Variants in SPIRE2 observed in about 807,000 individuals in gnomAD.
The protein encoded by SPIRE2 is spire type actin nucleation factor 2, also known as protein spire homolog 2.
SPIRE2 carries 76 observed loss-of-function variants against 80.7 expected under a neutral mutation model. That is an observed-to-expected ratio of 0.94 (90% CI 0.78 to 1.14). The LOEUF (loss-of-function observed/expected upper bound fraction) is 1.14, where lower values mean the gene tolerates loss of function less well. Among genes scored for constraint, SPIRE2 ranks in the 50% most tolerant of loss-of-function variants. SPIRE2 has a pLI of 0.00. For synonymous variants in SPIRE2, 535 were observed against 432.6 expected (o/e 1.24, Z -2.94); for missense variants, 1,196 against 1,015.3 (o/e 1.18, Z -2.42).
chr16:89,860,930 G>C (rs1024859422), intron 10 of SPIRE2, 135 bp downstream of exon 10: 20 of 568,770 alleles, frequency 3.5e-5, no homozygotes, highest in Non-Finnish European at 5.3e-5. Flanking sequence ...CGTCTGGGGG[G>C]GCGCGGTCTG....
At chr16:89,862,474 C>T (rs2041753514) in intron 10 of SPIRE2, 1 of 152,348 alleles carries the variant, frequency 6.6e-6, no homozygotes, top group Non-Finnish European at 1.5e-5. Flanking sequence ...CAGAACCTGG[C>T]CTTCCATCTG....
intron 12 of SPIRE2, 121 bp from the exon 13 acceptor site, chr16:89,868,068 G>C: frequency 9.4e-7 from 1 of 1,062,202 alleles, no homozygotes; most frequent in South Asian, 1.3e-5. Flanking sequence ...AAGTAACCAA[G>C]CATCAGGCAG....
intron 2 of SPIRE2, 173 bp from the exon 3 acceptor site, chr16:89,850,131 C>T (rs1431548979): frequency 1.7e-5 from 12 of 722,916 alleles, no homozygotes; most frequent in Non-Finnish European, 2.5e-5. Flanking sequence ...CCACCGCGCC[C>T]GGCCGGGAAC....
intron 13 of SPIRE2, 116 bp from the exon 14 acceptor site, chr16:89,869,451 C>A (rs1014158249): frequency 4.4e-5 from 30 of 682,802 alleles, no homozygotes; most frequent in Non-Finnish European, 7.4e-5. Context: ...GAATATTCTC[C>A]AGGAAGCCCT....
At chr16:89,845,239 C>G in intron 1 of SPIRE2, 83 bp from the exon 2 acceptor site, 1 of 1,275,732 alleles carries the variant, frequency 7.8e-7, no homozygotes, top group Non-Finnish European at 1.1e-6. Flanking sequence ...GTGTGTGTCC[C>G]CGAGGGGGAG....
Position 89,850,243 on chromosome 16 carries a change from C to T in SPIRE2, c.289-61C>T, listed in dbSNP as rs548213511. The T allele has an allele frequency of 1.2e-4, 169 of 1,459,772 alleles. 1 individual carries two copies. In the Middle Eastern group the frequency reaches 6.3e-3, roughly 55 times the overall value. 90.4% of individuals were successfully genotyped at this position (1,459,772 alleles called of 1,614,324 possible). Reference sequence around the variant, plus strand: ...TGCTGGGCCCTCTGCACCCACCAGCCGCGTTCTCCCCGCCCCACCCCCCTG... The same window carrying T: ...TGCTGGGCCCTCTGCACCCACCAGCTGCGTTCTCCCCGCCCCACCCCCCTG... On this transcript the variant is annotated intron_variant, in intron 2 of 14. Coordinates refer to ENST00000378247, the MANE Select transcript of SPIRE2 (RefSeq NM_032451.2).
intron 2 of SPIRE2, among the ~76,000 whole-genome samples, chr16:89,847,949 C>T (rs1263422881): frequency 1.3e-5 from 2 of 152,126 alleles, no homozygotes; most frequent in African/African-American, 2.4e-5. Context: ...TGCTGTGGAC[C>T]GTGTGGGGGT....
At chr16:89,849,850 T>G (rs2041604292) in intron 2 of SPIRE2, 3 of 266,882 alleles carry the variant, frequency 1.1e-5, no homozygotes, top group Non-Finnish European at 2.2e-5. Context: ...ACTTCTTTTT[T>G]TTTTTGAGAC....
chr16:89,833,322 A>G (rs1944150064), intron 1 of SPIRE2, among the ~76,000 whole-genome samples: 1 of 151,588 alleles, frequency 6.6e-6, no homozygotes, highest in Non-Finnish European at 1.5e-5. Flanking sequence ...ATGGGGTTTC[A>G]CCATGTTGGC....
intron 1 of SPIRE2, among the ~76,000 whole-genome samples, chr16:89,836,701 C>G (rs949395550): frequency 6.6e-6 from 1 of 151,772 alleles, no homozygotes; most frequent in Non-Finnish European, 1.5e-5. Flanking sequence ...ATCCCCCGGC[C>G]GGGGGCGGTG....
Position 89,870,723 on chromosome 16 carries a change from A to G in SPIRE2, c.*451A>G, listed in dbSNP as rs2041832657. 1 of 164,284 alleles carries G rather than the reference A, an allele frequency of 6.1e-6. No homozygotes were observed. The highest frequency in any genetic ancestry group is 1.4e-5 in the Non-Finnish European group (1 of 73,910). The allele number at this position is 164,284 out of a possible 1,614,324, so 10.2% of individuals were successfully genotyped here. ...TTGCCTCTGCTCTCCCTTTGTGGGG[A>G]CTCAGGCAGCAGAGGCATCTGGGAA... On this transcript the variant is annotated 3_prime_UTR_variant, in exon 15 of 15. Transcript: ENST00000378247.
In SPIRE2 at chr16:89,828,707, G is replaced by C. The variant is rs745559005; in HGVS notation, c.157G>C (p.Gly53Arg). 5.5e-6 allele frequency: 7 copies of C among 1,272,882 alleles called. No individual in the cohort carries two copies. In the East Asian group the frequency reaches 9.9e-5, roughly 18 times the overall value. The allele number at this position is 1,272,882 out of a possible 1,614,324, so 78.8% of individuals were successfully genotyped here. A position where few individuals can be genotyped will look rare whatever the true frequency, so the allele number is the denominator to read the frequency against. Reference sequence around the variant, plus strand: ...CTTCCAGGGCTGCCGCGGGCTGCGGGGCTCGCCGGGCCGGCGCCTGCGGGA... The same window carrying C: ...CTTCCAGGGCTGCCGCGGGCTGCGGCGCTCGCCGGGCCGGCGCCTGCGGGA... ...VCFQGCRGLR[G>R]SPGRRLRDTG... The change falls in exon 1 of 15, where the codon GGC becomes CGC. Residue 53 changes from glycine to arginine, a missense_variant. Gly to Arg is a moderately radical substitution (Grantham distance 125). Transcript: ENST00000378247. This position sits in a 1 kb window ranked among gnomAD's most constrained non-coding sequence, Gnocchi z 5.9.
At position 89,856,179 on chromosome 16, in the gene SPIRE2, G is replaced by A; in HGVS notation, c.1045G>A (p.Glu349Lys). Residue 349 changes from glutamate (E) to lysine (K), a missense_variant, in exon 7 of 15, where the codon GAG becomes AAG. Transcript: ENST00000378247. ...GTCCCTGCATGAGAAGATCCTGGAG[G>A]AGATCAAGCAGGAGCGGAGGCTGCG... is the stretch of plus-strand genomic sequence containing the variant. ...QRSLHEKILE[E>K]IKQERRLRPV... 1 of 1,608,964 alleles carries A rather than the reference G, an allele frequency of 6.2e-7. No individual in the cohort carries two copies. The highest frequency in any genetic ancestry group is 8.5e-7 in the Non-Finnish European group (1 of 1,178,366).
chr16:89,857,903 G>A (rs1407617385), intron 7 of SPIRE2, among the ~76,000 whole-genome samples: 47 of 90,922 alleles, frequency 5.2e-4, no homozygotes, highest in Middle Eastern at 0.011. Flanking sequence ...TTTTTTTTGA[G>A]ACAGAGTCTC....
intron 1 of SPIRE2, among the ~76,000 whole-genome samples, chr16:89,830,731 T>C (rs1473599494): frequency 1.3e-5 from 2 of 150,964 alleles, no homozygotes; most frequent in East Asian, 3.9e-4. Flanking sequence ...GGGCAGTAGG[T>C]GTGTAAAACC....
In SPIRE2 at chr16:89,854,495, G is replaced by T. The variant is rs2041668754; in HGVS notation, c.735G>T (p.Leu245=). 6.2e-7 allele frequency: 1 copy of T among 1,612,312 alleles called. No homozygotes were observed. The highest frequency in any genetic ancestry group is 8.5e-7 in the Non-Finnish European group (1 of 1,179,722). Residue 245 remains leucine, a synonymous_variant, in exon 5 of 15, where the codon CTG becomes CTT. Transcript: ENST00000378247. ...CTTCCCCTGGGGCCCAGGCCCGACT[G>T]TGGGTTCAGCTCATGCGGGAGCTCC... The part of the protein sequence containing the change: ...DSLGHTDWAR[L]WVQLMRELRR...
intron 12 of SPIRE2, 82 bp from the exon 13 acceptor site, chr16:89,868,107 G>A (rs369554894): frequency 2.7e-5 from 41 of 1,498,242 alleles, no homozygotes; most frequent in Admixed American, 1.3e-4. Context: ...CCTCGGATGC[G>A]TGGAGGCCGG....
At chr16:89,855,432 G>T (rs1291810126) in intron 5 of SPIRE2, among the ~76,000 whole-genome samples, 168 bp from the exon 6 acceptor site, 21 of 152,252 alleles carry the variant, frequency 1.4e-4, no homozygotes. Context: ...ATGGCCTGTG[G>T]ATCTGCCGTG....
At position 89,863,661 on chromosome 16, in the gene SPIRE2, G is replaced by A. The variant is rs528105795; in HGVS notation, c.1710+51G>A. The stretch of plus-strand genomic sequence containing the variant: ...CGCTCTTGCCCGCTGGGTCAGGGGC[G>A]GGTGCCGAGAGGGCCAGTTCCCAGG... On this transcript the variant is annotated intron_variant, in intron 11 of 14. Coordinates refer to ENST00000378247, the MANE Select transcript of SPIRE2 (RefSeq NM_032451.2). This position sits in a 1 kb window ranked among gnomAD's most constrained non-coding sequence, Gnocchi z 4.3. 9 of 1,613,598 alleles carry A rather than the reference G, an allele frequency of 5.6e-6. No individual in the cohort carries two copies. Among genetic ancestry groups the A allele is most frequent in the East Asian group, 4.5e-5 (2 of 44,882 alleles).
Sources: gnomAD v4.1 joint callset for allele counts (sites outside exome capture counted in the v4.1 genomes callset) on GRCh38, gnomAD v4.1.1 for gene constraint, Gnocchi (gnomAD v3.1) non-coding constraint, MANE v1.5 for transcripts, NCBI Gene and HGNC (gene_info 2026-07-23, HGNC 2026-07-21) for gene names.